The following SFMBT2 variants were observed in gnomAD, a reference collection of about 807,000 sequenced individuals.
The protein encoded by SFMBT2 is Scm like with four mbt domains 2, also known as scm-like with four MBT domains protein 2.
Under a neutral mutation model 110.1 loss-of-function variants are expected in SFMBT2, and 38 were observed. The ratio of observed to expected loss-of-function variants is 0.35; its 90% CI spans 0.27 to 0.45. The LOEUF (loss-of-function observed/expected upper bound fraction) is 0.45. Among genes scored for constraint, SFMBT2 ranks in the 20% least tolerant of loss-of-function variants. SFMBT2 has a pLI of 1.00. For synonymous variants in SFMBT2, 425 were observed against 425.4 expected, an observed-to-expected ratio of 1.00 and a Z score of 0.01; for missense variants, 1,011 against 1,094.9, an observed-to-expected ratio of 0.92 and a Z score of 1.08.
intron 9 of SFMBT2, among the ~76,000 whole-genome samples, chr10:7,239,167 C>T (rs1840356407): frequency 6.6e-6 from 1 of 152,212 alleles, no homozygotes; most frequent in Non-Finnish European, 1.5e-5. Context: ...TTCATTTCAA[C>T]AGCTGCTTCC....
intron 15 of SFMBT2, among the ~76,000 whole-genome samples, chr10:7,193,054 C>T (rs1345653482): frequency 6.6e-6 from 1 of 152,084 alleles, no homozygotes; most frequent in African/African-American, 2.4e-5. Context: ...TCTTAAGCAC[C>T]AAAAGAAGAA....
At chr10:7,193,837 C>A (rs1357441472) in intron 15 of SFMBT2, among the ~76,000 whole-genome samples, 3 of 152,218 alleles carry the variant, frequency 2.0e-5, no homozygotes, top group East Asian at 3.8e-4. Context: ...CAACAGCCGA[C>A]AAGACCCTTT....
In SFMBT2 at chr10:7,351,208, T is replaced by C. The variant is rs1588471735; in HGVS notation, c.436+16441A>G. 2.0e-5 allele frequency among the ~76,000 whole-genome samples: 3 copies of C among 152,378 alleles called. 1 individual carries two copies. The highest frequency in any genetic ancestry group is 4.4e-5 in the Non-Finnish European group (3 of 68,042). ...CCAGTGAATAACACACATACACTAG[T>C]ACTAATTAGTTTTGTGTGTTGTTGT... On this transcript the variant is annotated intron_variant, in intron 4 of 20. Coordinates refer to ENST00000397167, the MANE Select transcript of SFMBT2 (RefSeq NM_001387889.1).
chr10:7,410,709 C>A (rs910293173), intron 1 of SFMBT2, among the ~76,000 whole-genome samples, 152 bp downstream of exon 1: 1 of 151,918 alleles, frequency 6.6e-6, no homozygotes, highest in African/African-American at 2.4e-5. Flanking sequence ...CACCTCCAAC[C>A]CCAGCTCCCT....
chr10:7,397,907 C>T (rs192505810), intron 1 of SFMBT2, among the ~76,000 whole-genome samples: 2 of 152,302 alleles, frequency 1.3e-5, no homozygotes, highest in African/African-American at 4.8e-5. Context: ...AGAGACAAGC[C>T]CTGCCTCATC....
At chr10:7,198,396 CAG>C (rs921457801) in intron 14 of SFMBT2, among the ~76,000 whole-genome samples, 1 of 152,210 alleles carries the variant, frequency 6.6e-6, no homozygotes, top group Non-Finnish European at 1.5e-5. Flanking sequence ...ACGTGGGCAA[CAG>C]AGTCTTGCAG....
intron 4 of SFMBT2, among the ~76,000 whole-genome samples, chr10:7,323,151 T>C (rs1158017304): frequency 1.3e-5 from 2 of 152,146 alleles, no homozygotes; most frequent in Admixed American, 6.5e-5. Context: ...GAAATATACA[T>C]GCAATATAAA....
intron 4 of SFMBT2, among the ~76,000 whole-genome samples, chr10:7,366,453 GA>G (rs1844904876): frequency 6.9e-6 from 1 of 145,964 alleles, no homozygotes; most frequent in Non-Finnish European, 1.5e-5. Flanking sequence ...AAAAAAGATA[GA>G]GCTCCGATAC....
At chr10:7,372,998 C>T (rs1845102430) in intron 2 of SFMBT2, among the ~76,000 whole-genome samples, 1 of 152,214 alleles carries the variant, frequency 6.6e-6, no homozygotes, top group Admixed American at 6.5e-5. Flanking sequence ...TTCTGTGCTA[C>T]AAGGCTTGCT....
At chr10:7,276,485 T>C (rs1841779909) in intron 7 of SFMBT2, among the ~76,000 whole-genome samples, 1 of 118,960 alleles carries the variant, frequency 8.4e-6, no homozygotes, top group East Asian at 2.9e-4. Context: ...AAATGGAAAC[T>C]GGTTAAGAAG....
At chr10:7,181,619 C>T (rs1838248499) in intron 16 of SFMBT2, among the ~76,000 whole-genome samples, 1 of 152,168 alleles carries the variant, frequency 6.6e-6, no homozygotes, top group Non-Finnish European at 1.5e-5. Context: ...GCAGACTTTC[C>T]ATCACATGAG....
At position 7,165,543 on chromosome 10, in the gene SFMBT2, T is replaced by A. The variant is rs188228427; in HGVS notation, c.2545-1633A>T. On this transcript the variant is annotated intron_variant, in intron 20 of 20. Coordinates refer to ENST00000397167, the MANE Select transcript of SFMBT2 (RefSeq NM_001387889.1). Reference sequence around the variant, plus strand: ...AGCAACAATATTCCCTAATAAGTACTGTAGCAATAAAAATGCAACATTAAC... The same window carrying A: ...AGCAACAATATTCCCTAATAAGTACAGTAGCAATAAAAATGCAACATTAAC... Among the ~76,000 whole-genome samples the A allele has an allele frequency of 7.9e-5, 12 of 152,380 alleles. No homozygotes were observed. In the East Asian group the frequency reaches 2.3e-3, roughly 29 times the overall value.
intron 8 of SFMBT2, among the ~76,000 whole-genome samples, chr10:7,247,853 G>C (rs1840665975): frequency 6.6e-6 from 1 of 152,092 alleles, no homozygotes; most frequent in Non-Finnish European, 1.5e-5. Flanking sequence ...TCTTTAATGG[G>C]GAATGGATAT....
chr10:7,293,975 C>A lies in SFMBT2; in HGVS notation c.437-8021G>T, dbSNP rs968288068. Among the ~76,000 whole-genome samples the A allele has an allele frequency of 2.0e-5, 3 of 152,192 alleles. No homozygotes were observed. The highest frequency in any genetic ancestry group is 1.3e-4 in the Admixed American group (2 of 15,290). On this transcript the variant is annotated intron_variant, in intron 4 of 20. Transcript: ENST00000397167. The surrounding 1 kb of genome is among the most constrained non-coding windows in gnomAD (Gnocchi z 4.6). ...GTATATCACAGACATCACTTCCTCG[C>A]TGGACATGGCCACATCTCATAGTAC...
chr10:7,174,818 G>A (rs73613409), intron 17 of SFMBT2, among the ~76,000 whole-genome samples: 7,557 of 152,250 alleles, frequency 0.05, 294 homozygotes, highest in African/African-American at 0.1. Flanking sequence ...GGAACCAGGT[G>A]ACCTGCTGGG....
intron 4 of SFMBT2, among the ~76,000 whole-genome samples, chr10:7,323,689 T>C (rs1843278663): frequency 6.6e-6 from 1 of 152,138 alleles, no homozygotes; most frequent in Non-Finnish European, 1.5e-5. Context: ...TTAGGTTTGA[T>C]ATGTCCAAAA....
At chr10:7,340,176 A>G (rs1435552843) in intron 4 of SFMBT2, among the ~76,000 whole-genome samples, 1 of 152,240 alleles carries the variant, frequency 6.6e-6, no homozygotes, top group East Asian at 1.9e-4. Context: ...CAAGTAAGCT[A>G]GAGAAAAGAC....
chr10:7,286,330 A>C (rs1276505494), intron 4 of SFMBT2: 1 of 864,314 alleles, frequency 1.2e-6, no homozygotes, highest in Non-Finnish European at 1.4e-6. Flanking sequence ...TGGGAAAATC[A>C]AACCAGGCCC....
intron 1 of SFMBT2, among the ~76,000 whole-genome samples, chr10:7,386,254 A>G (rs1167150002): frequency 6.6e-6 from 1 of 152,234 alleles, no homozygotes; most frequent in Non-Finnish European, 1.5e-5. Flanking sequence ...TCCAGTAAGT[A>G]CAAAAGCAAT....
Sources: allele counts gnomAD v4.1 joint callset (sites outside exome capture counted in the v4.1 genomes callset), GRCh38; gene constraint gnomAD v4.1.1; non-coding constraint Gnocchi (gnomAD v3.1); transcripts MANE v1.5; gene names NCBI Gene and HGNC (gene_info 2026-07-23, HGNC 2026-07-21).